DCDC1: variants seen among roughly 807,000 people sequenced by gnomAD.
DCDC1 encodes the protein doublecortin domain-containing protein 1.
DCDC1 carries 200 observed loss-of-function variants against 178.3 expected under a neutral mutation model. The observed-to-expected ratio is 1.12, with a 90% confidence interval of 1.00 to 1.26. The LOEUF (loss-of-function observed/expected upper bound fraction) is 1.26. Ranked by LOEUF, DCDC1 falls within the 50% of genes most tolerant of loss-of-function variation. The pLI is 0.00. For missense variants in DCDC1, 1,983 were observed against 1,749.2 expected, an observed-to-expected ratio of 1.13 and a Z score of -2.38; for synonymous variants, 690 against 604.8, an observed-to-expected ratio of 1.14 and a Z score of -2.07.
intron 20 of DCDC1, among the ~76,000 whole-genome samples, chr11:31,022,785 T>A (rs1952973343): frequency 6.6e-6 from 1 of 151,190 alleles, no homozygotes; most frequent in Admixed American, 6.6e-5. Flanking sequence ...CCCCACCCCA[T>A]ACACATCACC....
intron 18 of DCDC1, among the ~76,000 whole-genome samples, chr11:31,071,198 T>C (rs1045491519): frequency 6.6e-6 from 1 of 152,182 alleles, no homozygotes; most frequent in Admixed American, 6.5e-5. Flanking sequence ...TTCTTAATCA[T>C]CATAAATTAT....
chr11:31,127,717 G>T, intron 10 of DCDC1, 78 bp from the exon 11 acceptor site: 2 of 647,842 alleles, frequency 3.1e-6, no homozygotes, highest in East Asian at 2.7e-5. Flanking sequence ...TGAGTACCTA[G>T]CTTGATGGGG....
At chr11:31,284,403 A>G (rs988968335) in intron 7 of DCDC1, among the ~76,000 whole-genome samples, 3 of 152,094 alleles carry the variant, frequency 2.0e-5, no homozygotes, top group Non-Finnish European at 4.4e-5. Context: ...TGACTAGAAG[A>G]CTTCATAAAA....
At chr11:30,889,616 C>T (rs536878211) in intron 36 of DCDC1, among the ~76,000 whole-genome samples, 99 of 152,148 alleles carry the variant, frequency 6.5e-4, no homozygotes, top group Middle Eastern at 3.4e-3. Flanking sequence ...AGCCTGACAG[C>T]GTGAAAGGAT....
intron 9 of DCDC1, among the ~76,000 whole-genome samples, chr11:31,153,960 C>G (rs1313733181): frequency 6.6e-6 from 1 of 152,184 alleles, no homozygotes. Flanking sequence ...CACCCAAATC[C>G]CATGTTGAAT....
intron 2 of DCDC1, among the ~76,000 whole-genome samples, chr11:31,332,663 T>C (rs535793619): frequency 6.6e-6 from 1 of 152,298 alleles, no homozygotes; most frequent in East Asian, 1.9e-4. Context: ...GAGCAGGTTG[T>C]TCGGTTTCCA....
intron 20 of DCDC1, among the ~76,000 whole-genome samples, chr11:30,952,849 A>T (rs1032759858): frequency 6.6e-6 from 1 of 152,200 alleles, no homozygotes; most frequent in Non-Finnish European, 1.5e-5. Flanking sequence ...CAGTCCTTTT[A>T]TAATAACAAT....
At chr11:31,064,446 G>T in intron 20 of DCDC1, 23 bp downstream of exon 20, 1 of 743,872 alleles carries the variant, frequency 1.3e-6, no homozygotes, top group South Asian at 1.4e-5. Context: ...GAGCAATAAA[G>T]CTCAGTTCTG....
At chr11:30,989,288 T>A (rs1434206051) in intron 20 of DCDC1, among the ~76,000 whole-genome samples, 1 of 152,214 alleles carries the variant, frequency 6.6e-6, no homozygotes, top group East Asian at 1.9e-4. Flanking sequence ...TAAAGCCTGT[T>A]TACATAGTAC....
intron 21 of DCDC1, 108 bp from the exon 22 acceptor site, chr11:30,932,060 A>G: frequency 1.9e-6 from 2 of 1,080,354 alleles, no homozygotes; most frequent in Non-Finnish European, 2.5e-6. Flanking sequence ...TCATTCATTC[A>G]ACAAAAATGT....
chr11:31,027,583 G>C (rs1953325798), intron 20 of DCDC1, among the ~76,000 whole-genome samples: 1 of 151,734 alleles, frequency 6.6e-6, no homozygotes, highest in South Asian at 2.1e-4. Flanking sequence ...AATATAAATA[G>C]GGTTGAATAA....
intron 9 of DCDC1, among the ~76,000 whole-genome samples, chr11:31,160,537 A>T (rs944672453): frequency 6.6e-6 from 1 of 152,180 alleles, no homozygotes; most frequent in African/African-American, 2.4e-5. Context: ...TGCATTAAAA[A>T]AATAACAATT....
rs116653518 is a variant in DCDC1 at position 30,922,936 on chromosome 11, A to T, written c.2998-298T>A. ...TTATTTCAAAATTAAAGTTTAAAAA[A>T]TAATTGTTTAAGAAGAAGAGGGAAG... On this transcript the variant is annotated intron_variant, in intron 23 of 38. Transcript: ENST00000684477. 1.6e-3 allele frequency among the ~76,000 whole-genome samples: 245 copies of T among 148,600 alleles called. 1 individual carries two copies. The highest frequency in any genetic ancestry group is 3.0e-3 in the Non-Finnish European group (203 of 66,862).
At chr11:31,333,657 T>C (rs1389845228) in intron 2 of DCDC1, among the ~76,000 whole-genome samples, 1 of 152,226 alleles carries the variant, frequency 6.6e-6, no homozygotes, top group Admixed American at 6.5e-5. Context: ...TGGCTGGATA[T>C]GAAATTCTGG....
chr11:31,116,722 G>A (rs1399117215), intron 11 of DCDC1, among the ~76,000 whole-genome samples: 1 of 152,014 alleles, frequency 6.6e-6, no homozygotes, highest in Non-Finnish European at 1.5e-5. Flanking sequence ...AAGAAAAAGT[G>A]TTTTAATGCC....
intron 38 of DCDC1, among the ~76,000 whole-genome samples, chr11:30,869,037 G>C (rs969840394): frequency 6.6e-6 from 1 of 152,212 alleles, no homozygotes; most frequent in Non-Finnish European, 1.5e-5. Context: ...AAATCATCAC[G>C]CTTGTGAAAG....
chr11:31,298,097 T>C (rs570193932), intron 6 of DCDC1, among the ~76,000 whole-genome samples: 14 of 152,214 alleles, frequency 9.2e-5, no homozygotes, highest in Non-Finnish European at 7.3e-5. Context: ...AGTTCACAAA[T>C]CTCAACGGCA....
intron 18 of DCDC1, among the ~76,000 whole-genome samples, chr11:31,067,371 AAACCTC>A (rs1956304839): frequency 6.6e-6 from 1 of 152,214 alleles, no homozygotes; most frequent in South Asian, 2.1e-4. Context: ...ATACAAATCA[AAACCTC>A]AGTAAGGTAA....
chr11:31,254,124 A>C (rs1944256270), intron 8 of DCDC1, among the ~76,000 whole-genome samples: 1 of 152,208 alleles, frequency 6.6e-6, no homozygotes, highest in South Asian at 2.1e-4. Context: ...AAAATAATAT[A>C]TCCTAACTGA....
Sources: gnomAD v4.1 joint callset for allele counts (sites outside exome capture counted in the v4.1 genomes callset) on GRCh38, gnomAD v4.1.1 for gene constraint, MANE v1.5 for transcripts, NCBI Gene and HGNC (gene_info 2026-07-23, HGNC 2026-07-21) for gene names.